The following DCAF8 variants were observed in gnomAD, a reference collection of about 807,000 sequenced individuals.
DCAF8 encodes the protein DDB1 and CUL4 associated factor 8, also known as DDB1- and CUL4-associated factor 8.
In DCAF8, 20 loss-of-function variants were observed where a neutral mutation model predicts 68.0. That is an observed-to-expected ratio of 0.29 (90% CI 0.21 to 0.43). The LOEUF is 0.43. Ranked by LOEUF, DCAF8 falls within the 20% of genes least tolerant of loss-of-function variation. DCAF8 has a pLI of 1.00. For missense variants in DCAF8, 460 were observed against 771.0 expected (o/e 0.60, Z 4.78); for synonymous variants, 230 against 276.9 (o/e 0.83, Z 1.68).
intron 11 of DCAF8, chr1:160,219,955 T>C (rs1655244732): frequency 6.6e-6 from 1 of 152,238 alleles, no homozygotes; most frequent in African/African-American, 2.4e-5. Flanking sequence ...ACAACTTCTT[T>C]TAGTTCTCTC....
chr1:160,251,379 G>A (rs960760521), intron 2 of DCAF8, among the ~76,000 whole-genome samples: 1 of 152,056 alleles, frequency 6.6e-6, no homozygotes, highest in Non-Finnish European at 1.5e-5. Context: ...CTCATTTTAA[G>A]TTTATTTTAC....
chr1:160,218,918 G>A lies in DCAF8; in HGVS notation c.1491C>T (p.Gly497=). ...HPHLPVLATS[G]LDHDVKIWAP... The stretch of plus-strand genomic sequence containing the variant: ...CCCAGATCTTCACATCATGGTCTAG[G>A]CCACTGGTTGCCAGCACAGGCAGGT... The change falls in exon 12 of 14, where the codon GGC becomes GGT. Residue 497 remains glycine (G), a synonymous_variant. Transcript: ENST00000368074. 6.2e-7 allele frequency: 1 copy of A among 1,614,220 alleles called. No individual in the cohort carries two copies. The highest frequency in any genetic ancestry group is 2.2e-5 in the East Asian group (1 of 44,890).
intron 2 of DCAF8, among the ~76,000 whole-genome samples, chr1:160,255,191 T>G (rs1249029013): frequency 1.3e-5 from 2 of 152,240 alleles, no homozygotes; most frequent in African/African-American, 2.4e-5. Context: ...CGTTAATATC[T>G]TCTTTCAAGT....
intron 7 of DCAF8, among the ~76,000 whole-genome samples, chr1:160,228,642 C>T (rs1017786255): frequency 6.9e-6 from 1 of 144,344 alleles, no homozygotes; most frequent in Non-Finnish European, 1.5e-5. Flanking sequence ...GGCCAAAAAG[C>T]ATGTCTCCCC....
intron 11 of DCAF8, chr1:160,219,710 C>A (rs1061511): frequency 0.65 from 98,777 of 152,152 alleles, 33,526 homozygotes; most frequent in African/African-American, 0.86. Flanking sequence ...GAAATAAACT[C>A]CAGCAGGCAG....
intron 2 of DCAF8, among the ~76,000 whole-genome samples, chr1:160,244,472 T>C (rs1038994792): frequency 4.6e-5 from 7 of 152,198 alleles, no homozygotes; most frequent in African/African-American, 1.7e-4. Context: ...TCAAACTCTG[T>C]ACAACACTTG....
At chr1:160,251,135 C>G (rs1350266497) in intron 2 of DCAF8, among the ~76,000 whole-genome samples, 2 of 152,134 alleles carry the variant, frequency 1.3e-5, no homozygotes, top group African/African-American at 4.8e-5. Flanking sequence ...TTTAGAATTT[C>G]CTCTGAAAGA....
At position 160,218,903 on chromosome 1, in the gene DCAF8, C is replaced by T. The variant is rs889136803; in HGVS notation, c.1506G>A (p.Val502=). Reference sequence around the variant, plus strand: ...CTTCAGCTGTGGGTGCCCAGATCTTCACATCATGGTCTAGGCCACTGGTTG... The same window carrying T: ...CTTCAGCTGTGGGTGCCCAGATCTTTACATCATGGTCTAGGCCACTGGTTG... ...VLATSGLDHD[V]KIWAPTAEAS... Residue 502 remains valine, a synonymous_variant, in exon 12 of 14, where the codon GTG becomes GTA. Coordinates refer to ENST00000368074, the MANE Select transcript of DCAF8 (RefSeq NM_015726.4). 1.2e-6 allele frequency: 2 copies of T among 1,614,124 alleles called. No homozygotes were observed. Among genetic ancestry groups the T allele is most frequent in the Admixed American group, 1.7e-5 (1 of 60,010 alleles).
At chr1:160,238,486 G>A (rs1389149525) in intron 5 of DCAF8, 121 bp downstream of exon 5, 2 of 1,124,602 alleles carry the variant, frequency 1.8e-6, no homozygotes, top group Non-Finnish European at 1.2e-6. Flanking sequence ...TCTTAGGACT[G>A]AAAGAGGTGA....
chr1:160,248,282 G>C (rs897883551), intron 2 of DCAF8, among the ~76,000 whole-genome samples: 3 of 151,322 alleles, frequency 2.0e-5, no homozygotes, highest in Non-Finnish European at 2.9e-5. Flanking sequence ...ACTCCAGCCT[G>C]AGTGACAAAG....
rs144560832 is a variant in DCAF8, at chr1:160,229,373, A to T, written c.1070+1924T>A. On this transcript the variant is annotated intron_variant, in intron 7 of 13. Coordinates refer to ENST00000368074, the MANE Select transcript of DCAF8 (RefSeq NM_015726.4). ...AGGAATATTGAGGCTGATAAGACAC[A>T]GAAGATTTGAGTATTTCTCCTTGTG... Among the ~76,000 whole-genome samples the T allele has an allele frequency of 8.3e-4, 127 of 152,348 alleles. 1 individual carries two copies. The highest frequency in any genetic ancestry group is 2.9e-3 in the African/African-American group (122 of 41,578).
intron 3 of DCAF8, among the ~76,000 whole-genome samples, chr1:160,242,191 G>A (rs1386219389): frequency 2.0e-5 from 3 of 151,022 alleles, no homozygotes; most frequent in Non-Finnish European, 4.4e-5. Flanking sequence ...GCTGCAGTGA[G>A]CCGAGATTGT....
rs750731679 is a variant in DCAF8, at chr1:160,239,799, C to A, written c.621G>T (p.Trp207Cys). The A allele has an allele frequency of 1.2e-6, 2 of 1,614,168 alleles. No homozygotes were observed. Among genetic ancestry groups the A allele is most frequent in the African/African-American group, 2.7e-5 (2 of 74,958 alleles). The change falls in exon 4 of 14, where the codon TGG (tryptophan) becomes TGT (cysteine). Residue 207 changes from tryptophan (W) to cysteine (C), a missense_variant. By Grantham distance (215) the Trp-to-Cys change is radical. Transcript: ENST00000368074. ...NTLHFNQRGT[W>C]LASGSDDLKV... ...TCAGGTCATCGCTGCCACTGGCCAG[C>A]CAGGTGCCGCGCTGGTTAAAGTGCA...
chr1:160,240,154 A>G lies in DCAF8; in HGVS notation c.266T>C (p.Ile89Thr). The G allele has an allele frequency of 6.2e-7, 1 of 1,613,822 alleles. No homozygotes were observed. Among genetic ancestry groups the G allele is most frequent in the South Asian group, 1.1e-5 (1 of 91,030 alleles). The change falls in exon 4 of 14, where the codon ATT becomes ACT. Residue 89 changes from isoleucine to threonine, a missense_variant. Coordinates refer to ENST00000368074, the MANE Select transcript of DCAF8 (RefSeq NM_015726.4). ...DSMEDTGHYS[I>T]NDENRVHDRS... ...GTCATGGACTCGATTTTCATCATTA[A>G]TGGAGTAATGACCAGTGTCCTCCAT...
intron 2 of DCAF8, 97 bp from the exon 3 acceptor site, chr1:160,244,131 A>T (rs1656228054): frequency 3.2e-6 from 3 of 928,280 alleles, no homozygotes; most frequent in Non-Finnish European, 5.2e-6. Flanking sequence ...AGGTTTTATC[A>T]TTTTTATAAA....
chr1:160,256,012 CTTTTTT>C (rs11284812), intron 2 of DCAF8, among the ~76,000 whole-genome samples: 14 of 75,526 alleles, frequency 1.9e-4, no homozygotes, highest in East Asian at 7.7e-4. Flanking sequence ...ACTAAGCAAA[CTTTTTT>C]TTTTTTTTTT....
At chr1:160,258,125 T>C (rs1033050396) in intron 2 of DCAF8, among the ~76,000 whole-genome samples, 3 of 152,094 alleles carry the variant, frequency 2.0e-5, no homozygotes, top group Non-Finnish European at 2.9e-5. Flanking sequence ...GGCAGGAGGA[T>C]TGCTTGAGCC....
At chr1:160,227,250 A>C (rs1017972508) in intron 7 of DCAF8, among the ~76,000 whole-genome samples, 6 of 152,192 alleles carry the variant, frequency 3.9e-5, no homozygotes, top group African/African-American at 1.4e-4. Flanking sequence ...CAAGGAGAGA[A>C]GGTGCTTCAG....
chr1:160,236,402 GTATATGTGTGTGTA>G (rs931745998), intron 6 of DCAF8, among the ~76,000 whole-genome samples: 42 of 151,726 alleles, frequency 2.8e-4, no homozygotes, highest in Non-Finnish European at 1.3e-4. Flanking sequence ...GTGTACATGT[GTATATGTGTGTGTA>G]TATATGTGTG....
Sources: allele counts gnomAD v4.1 joint callset (sites outside exome capture counted in the v4.1 genomes callset), GRCh38; gene constraint gnomAD v4.1.1; transcripts MANE v1.5; gene names NCBI Gene and HGNC (gene_info 2026-07-23, HGNC 2026-07-21).